Variants in EPHA5 observed in about 807,000 individuals in gnomAD.
The protein encoded by EPHA5 is EPH receptor A5.
In EPHA5, 60 loss-of-function variants were observed where a neutral mutation model predicts 105.0. The observed-to-expected ratio is 0.57, with a 90% CI of 0.46 to 0.71. EPHA5 has a LOEUF of 0.71. Among genes scored for constraint, EPHA5 ranks in the 30% least tolerant of loss-of-function variants. The pLI is 0.00. For synonymous variants in EPHA5, 513 were observed against 449.1 expected, an observed-to-expected ratio of 1.14 and a Z score of -1.80; for missense variants, 1,218 against 1,274.7, an observed-to-expected ratio of 0.96 and a Z score of 0.68.
chr4:65,602,965 A>G (rs1291866625), intron 2 of EPHA5, among the ~76,000 whole-genome samples: 1 of 152,126 alleles, frequency 6.6e-6, no homozygotes, highest in East Asian at 1.9e-4. Flanking sequence ...ATCTACATAT[A>G]TAAACATGGA....
chr4:65,462,006 T>G (rs1216801354), intron 5 of EPHA5, among the ~76,000 whole-genome samples: 1 of 151,914 alleles, frequency 6.6e-6, no homozygotes, highest in East Asian at 1.9e-4. Flanking sequence ...TATGCACACA[T>G]TAGATTATAA....
At chr4:65,479,177 CTAAT>C (rs1339548528) in intron 5 of EPHA5, among the ~76,000 whole-genome samples, 1 of 152,122 alleles carries the variant, frequency 6.6e-6, no homozygotes, top group Non-Finnish European at 1.5e-5. Flanking sequence ...AAGCATTAAA[CTAAT>C]TGTTTTGTAT....
At chr4:65,424,001 A>T (rs1724185618) in intron 5 of EPHA5, among the ~76,000 whole-genome samples, 1 of 151,990 alleles carries the variant, frequency 6.6e-6, no homozygotes, top group Non-Finnish European at 1.5e-5. Context: ...TGCGAACTCT[A>T]ATTATTACAT....
chr4:65,567,931 T>G (rs1439548558), intron 3 of EPHA5, among the ~76,000 whole-genome samples: 1 of 151,498 alleles, frequency 6.6e-6, no homozygotes, highest in Non-Finnish European at 1.5e-5. Flanking sequence ...TCTTTGAATT[T>G]TTTTTTCTTC....
chr4:65,646,369 G>A (rs1402092592), intron 1 of EPHA5, among the ~76,000 whole-genome samples: 1 of 152,194 alleles, frequency 6.6e-6, no homozygotes, highest in African/African-American at 2.4e-5. Flanking sequence ...TCAGTGGAAA[G>A]ATCAGGAGGG....
At chr4:65,448,262 T>TAA (rs201102930) in intron 5 of EPHA5, among the ~76,000 whole-genome samples, 1 of 144,336 alleles carries the variant, frequency 6.9e-6, no homozygotes, top group African/African-American at 2.5e-5. Flanking sequence ...TCAAAACAAG[T>TAA]AAAAAAAAAA....
chr4:65,449,148 A>C (rs1726839484), intron 5 of EPHA5, among the ~76,000 whole-genome samples: 1 of 152,158 alleles, frequency 6.6e-6, no homozygotes. Flanking sequence ...AATTTTAAAA[A>C]GGATTATTCC....
At position 65,384,404 on chromosome 4, in the gene EPHA5, G is replaced by C. The variant is rs183055646; in HGVS notation, c.1794-16980C>G. 1.1e-4 allele frequency among the ~76,000 whole-genome samples: 17 copies of C among 152,018 alleles called. No individual in the cohort carries two copies. The East Asian group carries it at 2.9e-3, about 26-fold the overall frequency. ...CAAACCATAACCTTTGTAGCAATCA[G>C]ACCAAATGGTTAGAACCTAATAACT... On this transcript the variant is annotated intron_variant, in intron 8 of 16. Transcript: ENST00000613740.
chr4:65,663,508 A>G (rs1376535887), intron 1 of EPHA5, among the ~76,000 whole-genome samples: 1 of 152,032 alleles, frequency 6.6e-6, no homozygotes, highest in Non-Finnish European at 1.5e-5. Flanking sequence ...ATTACTACAA[A>G]TTTCACCAGA....
chr4:65,533,437 T>C (rs1026809305), intron 3 of EPHA5, among the ~76,000 whole-genome samples: 3 of 152,152 alleles, frequency 2.0e-5, no homozygotes, highest in Non-Finnish European at 2.9e-5. Context: ...TGGTTTAAAG[T>C]GACACACAAA....
At chr4:65,539,251 A>T (rs1223891726) in intron 3 of EPHA5, among the ~76,000 whole-genome samples, 1 of 151,756 alleles carries the variant, frequency 6.6e-6, no homozygotes, top group Non-Finnish European at 1.5e-5. Flanking sequence ...CAAAGAGTGG[A>T]TCAAGAAGAC....
At chr4:65,368,484 C>T (rs1028770706) in intron 8 of EPHA5, among the ~76,000 whole-genome samples, 8 of 152,068 alleles carry the variant, frequency 5.3e-5, no homozygotes, top group Non-Finnish European at 1.2e-4. Flanking sequence ...TTGTGTCCTT[C>T]ACAACAAACT....
In EPHA5 at chr4:65,348,815, A is replaced by ATATATATATT. The variant is rs71657404; in HGVS notation, c.2446-613_2446-612insAATATATATA. 6.2e-5 allele frequency among the ~76,000 whole-genome samples: 4 copies of ATATATATATT among 64,120 alleles called. 1 individual carries two copies. Among genetic ancestry groups the ATATATATATT allele is most frequent in the African/African-American group, 2.5e-4 (4 of 16,136 alleles). The allele number at this position is 64,120 out of a possible 152,430, so 42.1% of individuals were successfully genotyped here. On this transcript the variant is annotated intron_variant, in intron 13 of 16. Coordinates refer to ENST00000613740, the MANE Select transcript of EPHA5 (RefSeq NM_001281766.3). ...TGTGTATATATATATATATATATAT[A>ATATATATATT]TTTTTTTTTTTTTTTTTTGAGACAG...
At chr4:65,573,304 G>A (rs1159307551) in intron 3 of EPHA5, among the ~76,000 whole-genome samples, 1 of 150,988 alleles carries the variant, frequency 6.6e-6, no homozygotes, top group Non-Finnish European at 1.5e-5. Flanking sequence ...CCAGCTACTT[G>A]GGAGGCGGAG....
At chr4:65,541,234 TA>T (rs1315252999) in intron 3 of EPHA5, among the ~76,000 whole-genome samples, 6 of 151,698 alleles carry the variant, frequency 4.0e-5, no homozygotes, top group African/African-American at 9.7e-5. Context: ...GATGATAGGA[TA>T]AAATTCACAT....
chr4:65,452,700 T>G (rs781357704), intron 5 of EPHA5, among the ~76,000 whole-genome samples: 2 of 151,980 alleles, frequency 1.3e-5, no homozygotes, highest in Non-Finnish European at 2.9e-5. Flanking sequence ...TGCAAGCAAA[T>G]AAACTAAAAT....
intron 1 of EPHA5, among the ~76,000 whole-genome samples, chr4:65,646,419 G>T (rs1748118079): frequency 6.6e-6 from 1 of 152,198 alleles, no homozygotes; most frequent in South Asian, 2.1e-4. Context: ...TCAACATGGA[G>T]ATATAATAAT....
intron 2 of EPHA5, among the ~76,000 whole-genome samples, chr4:65,637,597 T>TATATATAC (rs889288051): frequency 6.9e-6 from 1 of 144,534 alleles, no homozygotes; most frequent in African/African-American, 2.5e-5. Context: ...TATATATATA[T>TATATATAC]ACGTATATGC....
At chr4:65,626,707 A>G (rs1746192618) in intron 2 of EPHA5, among the ~76,000 whole-genome samples, 1 of 152,156 alleles carries the variant, frequency 6.6e-6, no homozygotes, top group Admixed American at 6.5e-5. Context: ...CTCACATGTA[A>G]TACAGTAGAT....
Sources: allele counts gnomAD v4.1 joint callset (sites outside exome capture counted in the v4.1 genomes callset), GRCh38; gene constraint gnomAD v4.1.1; transcripts MANE v1.5; gene names NCBI Gene and HGNC (gene_info 2026-07-23, HGNC 2026-07-21).